Variants in SUSD4 observed in about 807,000 individuals in gnomAD.
SUSD4 encodes sushi domain containing 4.
SUSD4 carries 41 observed loss-of-function variants against 50.5 expected under a neutral mutation model. The observed-to-expected ratio is 0.81, with a 90% CI of 0.63 to 1.05. SUSD4 has a LOEUF of 1.05. Among genes scored for constraint, SUSD4 ranks in the 50% least tolerant of loss-of-function variants. SUSD4 has a pLI of 0.00. For synonymous variants in SUSD4, 257 were observed against 257.3 expected (o/e 1.00, Z 0.01); for missense variants, 580 against 634.7 (o/e 0.91, Z 0.93).
chr1:223,321,695 C>T (rs1334631580), intron 2 of SUSD4, among the ~76,000 whole-genome samples: 1 of 152,172 alleles, frequency 6.6e-6, no homozygotes, highest in African/African-American at 2.4e-5. Context: ...ATGCCTTTGG[C>T]AATCTGGTGA....
chr1:223,225,617 T>C (rs932221072), intron 7 of SUSD4, among the ~76,000 whole-genome samples: 12 of 152,228 alleles, frequency 7.9e-5, no homozygotes, highest in African/African-American at 2.9e-4. Context: ...GCTCCCTTCC[T>C]CTCCGGCCAC....
intron 5 of SUSD4, among the ~76,000 whole-genome samples, chr1:223,242,932 T>G (rs746678444): frequency 5.3e-5 from 8 of 152,150 alleles, no homozygotes; most frequent in Non-Finnish European, 1.2e-4. Flanking sequence ...CACGTCCCAC[T>G]TGTAGGTTAG....
Position 223,229,493 on chromosome 1 carries a change from T to C in SUSD4, c.725-105A>G. Reference sequence around the variant, plus strand: ...AGGAGAACTCAGTTAAAAATGTGCTTATGGATTAATCACCAGGCTACTGAG... The same window carrying C: ...AGGAGAACTCAGTTAAAAATGTGCTCATGGATTAATCACCAGGCTACTGAG... On this transcript the variant is annotated intron_variant, in intron 5 of 8. Coordinates refer to ENST00000366878, the MANE Select transcript of SUSD4 (RefSeq NM_017982.4). The surrounding 1 kb of genome is among the most constrained non-coding windows in gnomAD (Gnocchi z 4.7). The C allele has an allele frequency of 9.1e-7, 1 of 1,102,274 alleles. No homozygotes were observed. Among genetic ancestry groups the C allele is most frequent in the South Asian group, 2.2e-5 (1 of 46,320 alleles). The allele number at this position is 1,102,274 out of a possible 1,614,324, so 68.3% of individuals were successfully genotyped here. A position where few individuals can be genotyped will look rare whatever the true frequency, so the allele number is the denominator to read the frequency against.
chr1:223,274,792 T>C (rs1469696398), intron 3 of SUSD4, among the ~76,000 whole-genome samples: 1 of 152,072 alleles, frequency 6.6e-6, no homozygotes, highest in East Asian at 1.9e-4. Context: ...ACGTGGAACA[T>C]TTACAAAAAA....
chr1:223,236,559 T>G (rs1372712918), intron 5 of SUSD4, among the ~76,000 whole-genome samples: 1 of 151,860 alleles, frequency 6.6e-6, no homozygotes, highest in Non-Finnish European at 1.5e-5. Flanking sequence ...TTTTTTTTTT[T>G]GTTTTTGTAT....
At chr1:223,292,854 G>C (rs972194678) in intron 2 of SUSD4, among the ~76,000 whole-genome samples, 1 of 152,174 alleles carries the variant, frequency 6.6e-6, no homozygotes. Flanking sequence ...AGAGTTTTCT[G>C]TTCAATGGCC....
At position 223,347,666 on chromosome 1, in the gene SUSD4, G is replaced by A. The variant is rs61838247; in HGVS notation, c.148+15612C>T. Among the ~76,000 whole-genome samples, 102 of 88,596 alleles carry A rather than the reference G, an allele frequency of 1.2e-3. 1 individual carries two copies. The highest frequency in any genetic ancestry group is 4.4e-3 in the Admixed American group (40 of 9,028). The allele number at this position is 88,596 out of a possible 152,430, so 58.1% of individuals were successfully genotyped here. A position where few individuals can be genotyped will look rare whatever the true frequency, so the allele number is the denominator to read the frequency against. On this transcript the variant is annotated intron_variant, in intron 2 of 8. Transcript: ENST00000366878. Reference sequence around the variant, plus strand: ...TAAGTGAGAATTACTATGTACTTCCGAAGTACTTGGTAACTTAATGCTCAA... The same window carrying A: ...TAAGTGAGAATTACTATGTACTTCCAAAGTACTTGGTAACTTAATGCTCAA...
At chr1:223,306,162 G>T (rs1244464900) in intron 2 of SUSD4, among the ~76,000 whole-genome samples, 1 of 152,090 alleles carries the variant, frequency 6.6e-6, no homozygotes, top group Admixed American at 6.6e-5. Flanking sequence ...AATTCGCTTT[G>T]ATTACCCAAT....
intron 3 of SUSD4, among the ~76,000 whole-genome samples, chr1:223,278,424 G>C (rs533250404): frequency 6.6e-6 from 1 of 152,296 alleles, no homozygotes; most frequent in South Asian, 2.1e-4. Context: ...TATATCCCAC[G>C]CATGACTGGG....
intron 2 of SUSD4, among the ~76,000 whole-genome samples, chr1:223,362,640 C>T (rs1279183460): frequency 6.6e-6 from 1 of 152,170 alleles, no homozygotes; most frequent in Non-Finnish European, 1.5e-5. Context: ...TGACTTTATT[C>T]CCTGAAATCA....
At chr1:223,336,102 C>G (rs768359044) in intron 2 of SUSD4, among the ~76,000 whole-genome samples, 1 of 151,860 alleles carries the variant, frequency 6.6e-6, no homozygotes, top group South Asian at 2.1e-4. Flanking sequence ...GACAGGCATG[C>G]GCCACCACGC....
At position 223,356,565 on chromosome 1, in the gene SUSD4, C is replaced by T. The variant is rs577135622; in HGVS notation, c.148+6713G>A. Among the ~76,000 whole-genome samples, 63 of 152,192 alleles carry T rather than the reference C, an allele frequency of 4.1e-4. 1 individual carries two copies. The highest frequency in any genetic ancestry group is 2.1e-3 in the East Asian group (11 of 5,176). On this transcript the variant is annotated intron_variant, in intron 2 of 8. Coordinates refer to ENST00000366878, the MANE Select transcript of SUSD4 (RefSeq NM_017982.4). Reference sequence around the variant, plus strand: ...TGCTGGGATTACCGGCATGAGCCACCGTGCCTGGCCAGATTTTGTTTTTTG... The same window carrying T: ...TGCTGGGATTACCGGCATGAGCCACTGTGCCTGGCCAGATTTTGTTTTTTG...
At chr1:223,356,414 C>CT (rs910180617) in intron 2 of SUSD4, among the ~76,000 whole-genome samples, 139 of 144,528 alleles carry the variant, frequency 9.6e-4, no homozygotes, top group Non-Finnish European at 1.1e-3. Context: ...ATTTCTTTTT[C>CT]TTTTTTTTTT....
At chr1:223,316,994 A>C (rs1329448760) in intron 2 of SUSD4, among the ~76,000 whole-genome samples, 1 of 152,160 alleles carries the variant, frequency 6.6e-6, no homozygotes, top group Non-Finnish European at 1.5e-5. Flanking sequence ...GGTTAGGCTG[A>C]TGGAAGTGTC....
At chr1:223,246,941 A>C (rs1660978953) in intron 5 of SUSD4, among the ~76,000 whole-genome samples, 1 of 152,232 alleles carries the variant, frequency 6.6e-6, no homozygotes, top group Admixed American at 6.5e-5. Context: ...AATGTAGAAT[A>C]TTTTAACTTA....
intron 3 of SUSD4, chr1:223,289,257 G>T (rs1664331769): frequency 1.0e-6 from 1 of 985,406 alleles, no homozygotes; most frequent in South Asian, 4.7e-5. Flanking sequence ...GGTCATGCAG[G>T]CTCCAGTCTT....
chr1:223,308,165 C>T (rs1665661073), intron 2 of SUSD4, among the ~76,000 whole-genome samples: 1 of 152,132 alleles, frequency 6.6e-6, no homozygotes, highest in South Asian at 2.1e-4. Context: ...CCACCCAAGT[C>T]TCATGTTGAA....
chr1:223,309,170 G>A (rs1665726296), intron 2 of SUSD4, among the ~76,000 whole-genome samples: 1 of 151,986 alleles, frequency 6.6e-6, no homozygotes, highest in African/African-American at 2.4e-5. Context: ...AAACCAACAG[G>A]GATTCAAAGT....
At chr1:223,302,980 CAAAT>C (rs1185568423) in intron 2 of SUSD4, among the ~76,000 whole-genome samples, 1 of 151,886 alleles carries the variant, frequency 6.6e-6, no homozygotes, top group Non-Finnish European at 1.5e-5. Context: ...TCTAAAAAAA[CAAAT>C]AAATAAAATT....
Sources: allele counts gnomAD v4.1 joint callset (sites outside exome capture counted in the v4.1 genomes callset), GRCh38; gene constraint gnomAD v4.1.1; non-coding constraint Gnocchi (gnomAD v3.1); transcripts MANE v1.5; gene names NCBI Gene and HGNC (gene_info 2026-07-23, HGNC 2026-07-21).